GOLGA2: variants seen among roughly 807,000 people sequenced by gnomAD.
GOLGA2 encodes the protein golgin subfamily A member 2.
A neutral mutation model predicts 148.8 loss-of-function variants in GOLGA2; 49 were observed. The observed-to-expected ratio is 0.33, with a 90% CI of 0.26 to 0.42. The LOEUF is 0.42. Ranked by LOEUF, GOLGA2 falls within the 10% of genes least tolerant of loss-of-function variation. The pLI is 1.00. For missense variants in GOLGA2, 1,178 were observed against 1,304.6 expected (o/e 0.90, Z 1.49); for synonymous variants, 501 against 511.8 (o/e 0.98, Z 0.28).
Position 128,259,314 on chromosome 9 carries a change from C to T in GOLGA2, c.1950G>A (p.Val650=). ...DQYLGHLQQY[V]AAYQQLTSEK... ...CAGAGGTCAGCTGCTGATAGGCGGC[C>T]ACATACTGCTGCAGGTGTCCCAGGT... The change falls in exon 20 of 27, where the codon GTG becomes GTA. Residue 650 remains valine, a synonymous_variant. Coordinates refer to ENST00000611957, the MANE Select transcript of GOLGA2 (RefSeq NM_001366244.2). The T allele has an allele frequency of 6.2e-7, 1 of 1,611,112 alleles. No homozygotes were observed. Among genetic ancestry groups the T allele is most frequent in the Non-Finnish European group, 8.5e-7 (1 of 1,179,292 alleles).
At position 128,261,647 on chromosome 9, in the gene GOLGA2, C is replaced by T; in HGVS notation, c.1224+21G>A. 1.3e-6 allele frequency: 2 copies of T among 1,572,168 alleles called. No homozygotes were observed. The highest frequency in any genetic ancestry group is 1.8e-6 in the Non-Finnish European group (2 of 1,141,746). On this transcript the variant is annotated intron_variant, in intron 15 of 26. Coordinates refer to ENST00000611957, the MANE Select transcript of GOLGA2 (RefSeq NM_001366244.2). The surrounding 1 kb of genome is among the most constrained non-coding windows in gnomAD (Gnocchi z 5.7). ...ACCTGGGGTCATCTTCCTTCTACAT[C>T]CCTCCCCTGCAAAGCCTCACCTGCC... is the stretch of plus-strand genomic sequence containing the variant.
rs142020597 is a variant in GOLGA2 at position 128,255,983 on chromosome 9, T to G, written c.*1084A>C. 3 of 152,702 alleles carry G rather than the reference T, an allele frequency of 2.0e-5. No individual in the cohort carries two copies. The highest frequency in any genetic ancestry group is 4.4e-5 in the Non-Finnish European group (3 of 68,094). The allele number at this position is 152,702 out of a possible 1,614,324, so 9.5% of individuals were successfully genotyped here. ...AATAATTATTAGAACCTCCTCCCCATGTGCCAGCTCCAACCTCTGCTAGGT... is the reference window on the plus strand; with the variant it reads ...AATAATTATTAGAACCTCCTCCCCAGGTGCCAGCTCCAACCTCTGCTAGGT... On this transcript the variant is annotated 3_prime_UTR_variant, in exon 27 of 27. Transcript: ENST00000611957.
rs200998957 is a variant in GOLGA2 at position 128,259,099 on chromosome 9, G to A, written c.2098-17C>T. ...CAGGCGCTCCTAAGGGGCCAGAAAA[G>A]AGAGTGAGAAGGCATGGAGGTTGCC... On this transcript the variant is annotated splice_polypyrimidine_tract_variant and intron_variant, in intron 20 of 26. Transcript: ENST00000611957. The A allele has an allele frequency of 7.9e-5, 127 of 1,609,980 alleles. No individual in the cohort carries two copies. The highest frequency in any genetic ancestry group is 6.0e-5 in the Non-Finnish European group (71 of 1,176,578).
Position 128,267,976 on chromosome 9 carries a change from G to A in GOLGA2, c.459C>T (p.Ser153=). Residue 153 remains serine (S), a synonymous_variant, in exon 6 of 27, where the codon AGC becomes AGT. Transcript: ENST00000611957. ...TGAGCTGTTGGGAGAGTTGTCGCAGGCTCTCGGTTGATGAGAAAGTCCTAG... is the reference window on the plus strand; with the variant it reads ...TGAGCTGTTGGGAGAGTTGTCGCAGACTCTCGGTTGATGAGAAAGTCCTAG... The part of the protein sequence containing the change: ...DETKTFSSTE[S]LRQLSQQLNG... The A allele has an allele frequency of 6.2e-7, 1 of 1,613,974 alleles. No homozygotes were observed. Among genetic ancestry groups the A allele is most frequent in the Non-Finnish European group, 8.5e-7 (1 of 1,179,892 alleles).
intron 3 of GOLGA2, among the ~76,000 whole-genome samples, chr9:128,272,406 C>G (rs948907267): frequency 3.3e-5 from 5 of 151,962 alleles, no homozygotes; most frequent in African/African-American, 9.6e-5. Context: ...AACACTTGAA[C>G]CCAGGAGGCA....
chr9:128,268,233 C>G, intron 4 of GOLGA2, 73 bp from the exon 5 acceptor site: 1 of 1,339,738 alleles, frequency 7.5e-7, no homozygotes. Context: ...GTGAGTCAAG[C>G]TCCCAAACTC....
Position 128,260,609 on chromosome 9 carries a change from G to A in GOLGA2, c.1614C>T (p.Ala538=), listed in dbSNP as rs770034806. 12 of 1,611,234 alleles carry A rather than the reference G, an allele frequency of 7.4e-6. No homozygotes were observed. The African/African-American group carries it at 8.0e-5, about 11-fold the overall frequency. ...CCTCCGCCTGCTCCCCCCAGAGCTCGGCCGCCCGCTCCAGCTCCAGCAGCC... is the reference window on the plus strand; with the variant it reads ...CCTCCGCCTGCTCCCCCCAGAGCTCAGCCGCCCGCTCCAGCTCCAGCAGCC... ...EERLLELERA[A]ELWGEQAEAR... is the part of the protein sequence containing the mutation. Residue 538 remains alanine, a synonymous_variant, in exon 18 of 27, where the codon GCC becomes GCT. Coordinates refer to ENST00000611957, the MANE Select transcript of GOLGA2 (RefSeq NM_001366244.2). This position sits in a 1 kb window ranked among gnomAD's most constrained non-coding sequence, Gnocchi z 4.8.
intron 19 of GOLGA2, 133 bp from the exon 20 acceptor site, chr9:128,259,524 C>T: frequency 1.6e-6 from 1 of 621,036 alleles, no homozygotes; most frequent in Non-Finnish European, 2.8e-6. Flanking sequence ...TGACTGCCTC[C>T]CTTGTCTAGA....
Position 128,257,525 on chromosome 9 carries a change from C to T in GOLGA2, c.2719G>A (p.Val907Met), listed in dbSNP as rs768932865. The change falls in exon 26 of 27, where the codon GTG becomes ATG. Residue 907 changes from valine (V) to methionine (M), a missense_variant and splice_region_variant. By Grantham distance (21) the Val-to-Met change is conservative (BLOSUM62 1). This residue lies in a region of GOLGA2 where 38 missense variants were observed against 67.3 expected (regional missense o/e 0.56). Transcript: ENST00000611957. The surrounding 1 kb of genome is among the most constrained non-coding windows in gnomAD (Gnocchi z 8.0). ...AGCTCCTGCAGCTCCAGCAGCTTCA[C>T]CTGGAGGGAGGGGTGCTAAGCTGCC... ...RLAQDKEEMK[V>M]KLLELQELVL... The T allele has an allele frequency of 1.6e-5, 26 of 1,613,996 alleles. No homozygotes were observed. The highest frequency in any genetic ancestry group is 2.7e-5 in the African/African-American group (2 of 74,932).
intron 3 of GOLGA2, among the ~76,000 whole-genome samples, chr9:128,270,135 T>A (rs1047130142): frequency 1.4e-5 from 2 of 147,868 alleles, no homozygotes; most frequent in African/African-American, 5.1e-5. Flanking sequence ...GGGAATTTTT[T>A]TTTTTTTTTT....
chr9:128,261,497 T>C lies in GOLGA2; in HGVS notation c.1289A>G (p.Glu430Gly). 6.2e-7 allele frequency: 1 copy of C among 1,612,106 alleles called. No homozygotes were observed. Among genetic ancestry groups the C allele is most frequent in the Non-Finnish European group, 8.5e-7 (1 of 1,178,118 alleles). Residue 430 changes from glutamate (E) to glycine (G), a missense_variant, in exon 16 of 27, where the codon GAG becomes GGG. Glu to Gly is a moderately conservative substitution (Grantham distance 98). Coordinates refer to ENST00000611957, the MANE Select transcript of GOLGA2 (RefSeq NM_001366244.2). The surrounding 1 kb of genome is among the most constrained non-coding windows in gnomAD (Gnocchi z 5.7). ...RDKYAENLKG[E>G]SAMWRQRMQQ... ...CATCCTCTGCCGCCACATGGCGCTCTCTCCTTTGAGATTCTCCGCATATTT... is the reference window on the plus strand; with the variant it reads ...CATCCTCTGCCGCCACATGGCGCTCCCTCCTTTGAGATTCTCCGCATATTT...
Position 128,268,146 on chromosome 9 carries a change from G to T in GOLGA2, c.408C>A (p.Asp136Glu), listed in dbSNP as rs1289103987. 3.1e-6 allele frequency: 5 copies of T among 1,613,208 alleles called. No individual in the cohort carries two copies. The South Asian group carries it at 3.3e-5, about 11-fold the overall frequency. The change falls in exon 5 of 27, where the codon GAC (aspartate) becomes GAA (glutamate). Residue 136 changes from aspartate to glutamate, a missense_variant. Physicochemically the swap from Asp to Glu is conservative, Grantham distance 45. Transcript: ENST00000611957. ...SMAASQNHDADNVPNLMDETK... is the reference protein window; with the variant it reads ...SMAASQNHDAENVPNLMDETK... ...TTTCATCCATGAGATTAGGGACATT[G>T]TCAGCATCATGATTCTGTTTGGGAA... is the stretch of plus-strand genomic sequence containing the variant.
chr9:128,261,210 T>C lies in GOLGA2; in HGVS notation c.1382A>G (p.Glu461Gly), dbSNP rs768380441. The change falls in exon 17 of 27, where the codon GAG becomes GGG. Residue 461 changes from glutamate (E) to glycine (G), a missense_variant. By Grantham distance (98) the Glu-to-Gly change is moderately conservative (BLOSUM62 -2). Around this residue, in one of 5 missense-constraint regions of GOLGA2, gnomAD observed 529 missense variants for 521.8 expected, o/e 1.01. Coordinates refer to ENST00000611957, the MANE Select transcript of GOLGA2 (RefSeq NM_001366244.2). This position sits in a 1 kb window ranked among gnomAD's most constrained non-coding sequence, Gnocchi z 5.7. ...CAGTTCAGCCAAGCTCGTCTCCAGC[T>C]CCTGTACCCGACTCATGCTACATTC... ...EKECSMSRVQ[E>G]LETSLAELRN... is the part of the protein sequence containing the mutation. 1 of 1,613,914 alleles carries C rather than the reference T, an allele frequency of 6.2e-7. No homozygotes were observed. The highest frequency in any genetic ancestry group is 2.2e-5 in the East Asian group (1 of 44,872).
rs371260436 is a variant in GOLGA2, at chr9:128,257,574, C to T, written c.2718+27G>A. On this transcript the variant is annotated intron_variant, in intron 25 of 26. Transcript: ENST00000611957. This position sits in a 1 kb window ranked among gnomAD's most constrained non-coding sequence, Gnocchi z 8.0. ...CCATGCCCATGCCCGTGCCCACCTCCACCCCCAGAGATGTTCCACACCCTA... is the reference window on the plus strand; with the variant it reads ...CCATGCCCATGCCCGTGCCCACCTCTACCCCCAGAGATGTTCCACACCCTA... 18 of 1,613,954 alleles carry T rather than the reference C, an allele frequency of 1.1e-5. No individual in the cohort carries two copies. Among genetic ancestry groups the T allele is most frequent in the Middle Eastern group, 1.6e-4 (1 of 6,084 alleles).
Position 128,266,359 on chromosome 9 carries a change from GT to G in GOLGA2, c.643-35del. 1 of 1,599,938 alleles carries G rather than the reference GT, an allele frequency of 6.3e-7. No homozygotes were observed. Among genetic ancestry groups the G allele is most frequent in the Non-Finnish European group, 8.6e-7 (1 of 1,168,748 alleles). ...AAGAGTCAAAGGAAGGTGACTGAGG[GT>G]GGCCCCCTCAACTCTATTCCCCAGA... On this transcript the variant is annotated intron_variant, in intron 8 of 26. Transcript: ENST00000611957. This position sits in a 1 kb window ranked among gnomAD's most constrained non-coding sequence, Gnocchi z 4.2.
At chr9:128,275,491 C>T (rs1831267276) in intron 1 of GOLGA2, 8 of 1,304,674 alleles carry the variant, frequency 6.1e-6, no homozygotes, top group Admixed American at 3.9e-5. Flanking sequence ...TTTGGGGCGG[C>T]AGGAGGTGAG....
intron 3 of GOLGA2, among the ~76,000 whole-genome samples, chr9:128,270,875 A>G (rs1275840921): frequency 1.3e-5 from 2 of 151,846 alleles, no homozygotes; most frequent in East Asian, 3.9e-4. Context: ...GCAAGACCCC[A>G]TCTCTATTAA....
Position 128,257,353 on chromosome 9 carries a change from C to T in GOLGA2, c.2875+16G>A, listed in dbSNP as rs762413331. ...CTTACTCCTGCCTGCCCACCCCTCC[C>T]GAGGGCTCTACTCACCACCCTGCTG... On this transcript the variant is annotated intron_variant, in intron 26 of 26. Coordinates refer to ENST00000611957, the MANE Select transcript of GOLGA2 (RefSeq NM_001366244.2). This position sits in a 1 kb window ranked among gnomAD's most constrained non-coding sequence, Gnocchi z 8.0. The T allele has an allele frequency of 6.2e-6, 10 of 1,613,092 alleles. No individual in the cohort carries two copies. The highest frequency in any genetic ancestry group is 8.5e-7 in the Non-Finnish European group (1 of 1,179,928).
chr9:128,260,627 C>T lies in GOLGA2; in HGVS notation c.1596G>A (p.Leu532=), dbSNP rs772709267. ...RLNREQEERL[L]ELERAAELWG... is the part of the protein sequence containing the mutation. The stretch of plus-strand genomic sequence containing the variant: ...AGAGCTCGGCCGCCCGCTCCAGCTC[C>T]AGCAGCCTCTCCTCCTGCTCCCGGT... The change falls in exon 18 of 27, where the codon CTG becomes CTA. Residue 532 remains leucine, a synonymous_variant. Transcript: ENST00000611957. The surrounding 1 kb of genome is among the most constrained non-coding windows in gnomAD (Gnocchi z 4.8). The T allele has an allele frequency of 8.7e-6, 14 of 1,611,764 alleles. No individual in the cohort carries two copies. Among genetic ancestry groups the T allele is most frequent in the South Asian group, 1.1e-5 (1 of 91,078 alleles).
Sources: allele counts gnomAD v4.1 joint callset (sites outside exome capture counted in the v4.1 genomes callset), GRCh38; gene constraint gnomAD v4.1.1; regional missense constraint gnomAD v4.1.1; non-coding constraint Gnocchi (gnomAD v3.1); transcripts MANE v1.5; gene names NCBI Gene and HGNC (gene_info 2026-07-23, HGNC 2026-07-21).